Variants in APH1B observed in about 807,000 individuals in gnomAD.
APH1B encodes aph-1B gamma-secretase subunit.
Under a neutral mutation model 28.2 loss-of-function variants are expected in APH1B, and 27 were observed. The ratio of observed to expected loss-of-function variants is 0.96; its 90% CI spans 0.70 to 1.32. APH1B has a LOEUF of 1.32. Among genes scored for constraint, APH1B ranks in the 40% most tolerant of loss-of-function variants. The pLI is 0.00. For synonymous variants in APH1B, 141 were observed against 124.6 expected (o/e 1.13, Z -0.88); for missense variants, 305 against 313.6 (o/e 0.97, Z 0.21).
chr15:63,277,870 G>C, intron 1 of APH1B, 134 bp downstream of exon 1: 2 of 873,138 alleles, frequency 2.3e-6, no homozygotes, highest in South Asian at 3.5e-5. Flanking sequence ...GAGAGGGGGA[G>C]AGCGGAGATC....
intron 2 of APH1B, among the ~76,000 whole-genome samples, chr15:63,284,506 G>T (rs1450626323): frequency 6.6e-6 from 1 of 152,260 alleles, no homozygotes; most frequent in East Asian, 1.9e-4. Context: ...GGGCCACTGC[G>T]CCTGGCCAAT....
At chr15:63,293,274 C>A (rs868788305) in intron 4 of APH1B, among the ~76,000 whole-genome samples, 1 of 150,942 alleles carries the variant, frequency 6.6e-6, no homozygotes, top group African/African-American at 2.4e-5. Flanking sequence ...ATGCCATTCT[C>A]CTGCCTCACC....
At chr15:63,305,009 C>T (rs979765653) in intron 5 of APH1B, among the ~76,000 whole-genome samples, 5 of 152,198 alleles carry the variant, frequency 3.3e-5, no homozygotes, top group African/African-American at 7.2e-5. Flanking sequence ...CTAGCCTCAT[C>T]GCAATTATAA....
chr15:63,286,214 A>C (rs1039288883), intron 2 of APH1B, among the ~76,000 whole-genome samples: 11 of 152,236 alleles, frequency 7.2e-5, no homozygotes, highest in African/African-American at 2.4e-4. Context: ...AGAGTGGTAG[A>C]TCCCATAGGA....
chr15:63,305,972 G>A lies in APH1B; in HGVS notation c.*191G>A. 2.9e-6 allele frequency: 2 copies of A among 686,764 alleles called. No individual in the cohort carries two copies. Among genetic ancestry groups the A allele is most frequent in the Non-Finnish European group, 4.6e-6 (2 of 433,826 alleles). 42.5% of individuals were successfully genotyped at this position (686,764 alleles called of 1,614,324 possible). ...GTGCTCAGTGGTGTGCGTCCTGGCT[G>A]CACGAGAATCACCTGGGACAGTGTA... On this transcript the variant is annotated 3_prime_UTR_variant, in exon 6 of 6. Transcript: ENST00000261879.
intron 3 of APH1B, chr15:63,287,173 T>C: frequency 2.5e-6 from 1 of 400,598 alleles, no homozygotes; most frequent in Non-Finnish European, 4.5e-6. Context: ...CTTCTGTGCC[T>C]TTCTAGACCC....
chr15:63,277,843 C>G, intron 1 of APH1B, 107 bp downstream of exon 1: 1 of 1,107,434 alleles, frequency 9.0e-7, no homozygotes, highest in South Asian at 1.5e-5. Flanking sequence ...TGTTGCGTTT[C>G]AGACGGGAGG....
chr15:63,287,452 T>C lies in APH1B; in HGVS notation c.384T>C (p.Ser128=). 5 of 1,614,024 alleles carry C rather than the reference T, an allele frequency of 3.1e-6. No individual in the cohort carries two copies. The highest frequency in any genetic ancestry group is 4.2e-6 in the Non-Finnish European group (5 of 1,179,902). Residue 128 remains serine, a synonymous_variant, in exon 4 of 6, where the codon AGT becomes AGC. Coordinates refer to ENST00000261879, the MANE Select transcript of APH1B (RefSeq NM_031301.4). ...CTGGCTTGGGCTTTGGAATCATGAGTGGAGTATTTTCCTTTGTGAATACCC... is the reference window on the plus strand; with the variant it reads ...CTGGCTTGGGCTTTGGAATCATGAGCGGAGTATTTTCCTTTGTGAATACCC... ...YVSGLGFGIM[S]GVFSFVNTLS... is the part of the protein sequence containing the mutation.
chr15:63,291,080 A>G (rs2038501514), intron 4 of APH1B, among the ~76,000 whole-genome samples: 1 of 151,624 alleles, frequency 6.6e-6, no homozygotes, highest in Admixed American at 6.5e-5. Context: ...CAGGAAGGGC[A>G]GAAATAACGC....
chr15:63,292,592 G>T (rs2152597214), intron 4 of APH1B, among the ~76,000 whole-genome samples: 1 of 152,038 alleles, frequency 6.6e-6, no homozygotes, highest in South Asian at 2.1e-4. Flanking sequence ...GTCTCCTTAT[G>T]TTGCCCGGGC....
intron 1 of APH1B, chr15:63,278,258 T>A (rs564213684): frequency 1.1e-4 from 49 of 431,138 alleles, no homozygotes; most frequent in Middle Eastern, 6.8e-4. Context: ...AAAAAAAAAA[T>A]TTAAGCTCCT....
rs746906838 is a variant in APH1B, at chr15:63,277,675, C to T, written c.52C>T (p.Leu18Phe). 18 of 1,610,730 alleles carry T rather than the reference C, an allele frequency of 1.1e-5. No homozygotes were observed. The highest frequency in any genetic ancestry group is 1.5e-5 in the Non-Finnish European group (18 of 1,178,700). ...CGCCTTCATTGCCTTCGGGCCTGCGCTCGCCCTTTATGTCTTCACCATCGC... is the reference window on the plus strand; with the variant it reads ...CGCCTTCATTGCCTTCGGGCCTGCGTTCGCCCTTTATGTCTTCACCATCGC... ...GCAFIAFGPALALYVFTIATE... is the reference protein window; with the variant it reads ...GCAFIAFGPAFALYVFTIATE... Residue 18 changes from leucine (L) to phenylalanine (F), a missense_variant, in exon 1 of 6, where the codon CTC (leucine) becomes TTC (phenylalanine). Coordinates refer to ENST00000261879, the MANE Select transcript of APH1B (RefSeq NM_031301.4).
At chr15:63,302,657 G>T (rs1487790453) in intron 5 of APH1B, among the ~76,000 whole-genome samples, 185 bp downstream of exon 5, 1 of 152,134 alleles carries the variant, frequency 6.6e-6, no homozygotes, top group Non-Finnish European at 1.5e-5. Flanking sequence ...TAATTTTTTG[G>T]TGTGTCTTAT....
chr15:63,302,217 T>C (rs963914712), intron 4 of APH1B, 128 bp from the exon 5 acceptor site: 12 of 1,140,960 alleles, frequency 1.1e-5, no homozygotes, highest in Non-Finnish European at 1.5e-5. Flanking sequence ...AAGGCCCTGT[T>C]TCTGTCAGGT....
At chr15:63,300,677 CTAATTTAGTTAAAA>C (rs2038617370) in intron 4 of APH1B, among the ~76,000 whole-genome samples, 1 of 152,160 alleles carries the variant, frequency 6.6e-6, no homozygotes, top group Admixed American at 6.5e-5. Flanking sequence ...TGTTTCTCTT[CTAATTTAGTTAAAA>C]TATCTACCAC....
In APH1B at chr15:63,287,463, C is replaced by A; in HGVS notation, c.395C>A (p.Ser132Tyr). 6.2e-7 allele frequency: 1 copy of A among 1,613,938 alleles called. No individual in the cohort carries two copies. The highest frequency in any genetic ancestry group is 8.5e-7 in the Non-Finnish European group (1 of 1,179,892). Reference protein sequence around the residue: ...LGFGIMSGVFSFVNTLSDSLG... With the variant: ...LGFGIMSGVFYFVNTLSDSLG... ...TTTGGAATCATGAGTGGAGTATTTT[C>A]CTTTGTGAATACCCTATCTGACTCC... Residue 132 changes from serine to tyrosine, a missense_variant, in exon 4 of 6, where the codon TCC (serine) becomes TAC (tyrosine). Physicochemically the swap from Ser to Tyr is moderately radical, Grantham distance 144 (BLOSUM62 -2). Transcript: ENST00000261879.
At chr15:63,286,184 T>C (rs1401462262) in intron 2 of APH1B, among the ~76,000 whole-genome samples, 1 of 152,138 alleles carries the variant, frequency 6.6e-6, no homozygotes, top group Non-Finnish European at 1.5e-5. Flanking sequence ...ATACAGTACT[T>C]TGGGAAGGGG....
chr15:63,284,485 A>T (rs1428891802), intron 2 of APH1B, among the ~76,000 whole-genome samples: 1 of 152,194 alleles, frequency 6.6e-6, no homozygotes, highest in Admixed American at 6.5e-5. Context: ...AAATGCTGAG[A>T]TTATAGGCGT....
At position 63,304,164 on chromosome 15, in the gene APH1B, A is replaced by C. The variant is rs1053740079; in HGVS notation, c.607-1450A>C. ...CATTTACGTTTCCCTGATGATTAAT[A>C]GGTTGAGCCCCATGTTGTGTGGCTC... On this transcript the variant is annotated intron_variant, in intron 5 of 5. Transcript: ENST00000261879. This position sits in a 1 kb window ranked among gnomAD's most constrained non-coding sequence, Gnocchi z 5.1. 1.3e-5 allele frequency among the ~76,000 whole-genome samples: 2 copies of C among 152,208 alleles called. No homozygotes were observed. Among genetic ancestry groups the C allele is most frequent in the African/African-American group, 4.8e-5 (2 of 41,450 alleles).
Sources: allele counts gnomAD v4.1 joint callset (sites outside exome capture counted in the v4.1 genomes callset), GRCh38; gene constraint gnomAD v4.1.1; non-coding constraint Gnocchi (gnomAD v3.1); transcripts MANE v1.5; gene names NCBI Gene and HGNC (gene_info 2026-07-23, HGNC 2026-07-21).